APBB2: variants seen among roughly 807,000 people sequenced by gnomAD.
APBB2 encodes amyloid beta precursor protein binding family B member 2.
A neutral mutation model predicts 82.5 loss-of-function variants in APBB2; 38 were observed. The observed-to-expected ratio is 0.46, with a 90% CI of 0.36 to 0.60. The LOEUF is 0.60. Ranked by LOEUF, APBB2 falls within the 20% of genes least tolerant of loss-of-function variation. The pLI is 0.00. For missense variants in APBB2, 772 were observed against 972.3 expected, an observed-to-expected ratio of 0.79 and a Z score of 2.74; for synonymous variants, 341 against 368.2, an observed-to-expected ratio of 0.93 and a Z score of 0.85.
chr4:41,146,456 T>C (rs1240562199), intron 1 of APBB2, among the ~76,000 whole-genome samples: 1 of 151,774 alleles, frequency 6.6e-6, no homozygotes, highest in African/African-American at 2.4e-5. Flanking sequence ...GTCTCACCAC[T>C]GCACTCCAGC....
At chr4:40,946,237 A>AG (rs1788380248) in intron 6 of APBB2, among the ~76,000 whole-genome samples, 1 of 136,270 alleles carries the variant, frequency 7.3e-6, no homozygotes, top group Non-Finnish European at 1.5e-5. Context: ...ATCTCCAAAA[A>AG]AAAAAAAAAA....
intron 1 of APBB2, among the ~76,000 whole-genome samples, chr4:41,208,072 A>G (rs1396119420): frequency 1.3e-5 from 2 of 152,166 alleles, no homozygotes; most frequent in African/African-American, 4.8e-5. Flanking sequence ...GGAGATACTC[A>G]TTTACTTTTA....
intron 1 of APBB2, among the ~76,000 whole-genome samples, chr4:41,155,907 T>C (rs1763332888): frequency 6.6e-6 from 1 of 152,182 alleles, no homozygotes; most frequent in Admixed American, 6.5e-5. Flanking sequence ...ACCATAAAAG[T>C]GAAATCATAA....
chr4:41,118,118 G>A (rs1469237525), intron 2 of APBB2: 1 of 152,274 alleles, frequency 6.6e-6, no homozygotes, highest in Non-Finnish European at 1.5e-5. Context: ...GGAGGCTGAG[G>A]AAGGAAGATC....
At chr4:41,139,542 GGATA>G (rs1375914066) in intron 2 of APBB2, among the ~76,000 whole-genome samples, 1 of 152,152 alleles carries the variant, frequency 6.6e-6, no homozygotes, top group African/African-American at 2.4e-5. Flanking sequence ...ATAGGTGAAT[GGATA>G]AAGTGTGGAA....
intron 6 of APBB2, among the ~76,000 whole-genome samples, chr4:40,960,454 T>TG (rs1469741492): frequency 6.8e-6 from 1 of 146,634 alleles, no homozygotes; most frequent in Non-Finnish European, 1.5e-5. Flanking sequence ...CGGGTTTTTT[T>TG]TTTTTTTTTT....
At chr4:41,061,543 T>C (rs1410241790) in intron 4 of APBB2, among the ~76,000 whole-genome samples, 5 of 152,172 alleles carry the variant, frequency 3.3e-5, no homozygotes. Context: ...TATCTAAACA[T>C]AGAAAAGGTA....
At chr4:40,858,283 T>A (rs1370467622) in intron 12 of APBB2, among the ~76,000 whole-genome samples, 2 of 151,996 alleles carry the variant, frequency 1.3e-5, no homozygotes, top group Non-Finnish European at 2.9e-5. Context: ...TGAAAGTACT[T>A]CCTCTTTCTA....
At chr4:40,852,319 C>T (rs1759733821) in intron 12 of APBB2, among the ~76,000 whole-genome samples, 1 of 146,996 alleles carries the variant, frequency 6.8e-6, no homozygotes. Flanking sequence ...ACACTGCACT[C>T]CAGCCTGGGT....
chr4:41,192,850 T>C (rs1774858163), intron 1 of APBB2, among the ~76,000 whole-genome samples: 1 of 152,186 alleles, frequency 6.6e-6, no homozygotes, highest in South Asian at 2.1e-4. Flanking sequence ...GATTTTACAC[T>C]CTCTATGTAT....
intron 12 of APBB2, among the ~76,000 whole-genome samples, chr4:40,851,626 G>A (rs1220439766): frequency 6.6e-6 from 1 of 151,054 alleles, no homozygotes; most frequent in African/African-American, 2.4e-5. Context: ...CATGTTATAA[G>A]GTACCCAGAT....
At chr4:41,186,971 T>TA (rs1254583173) in intron 1 of APBB2, among the ~76,000 whole-genome samples, 4 of 152,238 alleles carry the variant, frequency 2.6e-5, no homozygotes, top group Admixed American at 6.5e-5. Flanking sequence ...ACAAAGAACT[T>TA]AATTTTATCA....
At chr4:40,971,671 G>A (rs569733761) in intron 6 of APBB2, among the ~76,000 whole-genome samples, 1 of 152,286 alleles carries the variant, frequency 6.6e-6, no homozygotes, top group African/African-American at 2.4e-5. Context: ...GAGGCCTGAA[G>A]GAGTTAATAT....
In APBB2 at chr4:40,812,037, G is replaced by A. The variant is rs1744521091; in HGVS notation, c.*4055C>T. The A allele has an allele frequency of 6.6e-6, 1 of 152,148 alleles. No homozygotes were observed. The highest frequency in any genetic ancestry group is 2.4e-5 in the African/African-American group (1 of 41,422). The allele number at this position is 152,148 out of a possible 1,614,324, so 9.4% of individuals were successfully genotyped here. ...GACCGCTTACAAAAGACTCGAGTTG[G>A]TGACTAAATAGGCTTCTATGTCCGG... On this transcript the variant is annotated 3_prime_UTR_variant, in exon 18 of 18. Coordinates refer to ENST00000508593, the MANE Select transcript of APBB2 (RefSeq NM_004307.2).
chr4:40,912,099 ACT>A (rs1465052811), intron 10 of APBB2, among the ~76,000 whole-genome samples: 1 of 152,086 alleles, frequency 6.6e-6, no homozygotes, highest in Non-Finnish European at 1.5e-5. Flanking sequence ...TTTGCAAAAT[ACT>A]CTTTTTTATT....
At chr4:41,104,911 C>T (rs143314008) in intron 2 of APBB2, among the ~76,000 whole-genome samples, 6 of 152,160 alleles carry the variant, frequency 3.9e-5, no homozygotes, top group Non-Finnish European at 5.9e-5. Flanking sequence ...TCAAGGGGCA[C>T]CTGAGTTGAT....
chr4:40,893,358 G>A lies in APBB2; in HGVS notation c.1308C>T (p.Ala436=). 1.2e-6 allele frequency: 2 copies of A among 1,613,462 alleles called. No individual in the cohort carries two copies. Among genetic ancestry groups the A allele is most frequent in the East Asian group, 2.2e-5 (1 of 44,844 alleles). ...TGACCGCAACACTACTTTTACCGGG[G>A]GCGAGGTCCTCTTCTGCCATCTCTA... ...GWVEMAEEDL[A]PGKSSVAVNN... Residue 436 remains alanine (A), a synonymous_variant, in exon 11 of 18, where the codon GCC becomes GCT. Transcript: ENST00000508593.
At chr4:41,182,572 T>C (rs1291783291) in intron 1 of APBB2, among the ~76,000 whole-genome samples, 6 of 152,204 alleles carry the variant, frequency 3.9e-5, no homozygotes, top group African/African-American at 1.4e-4. Context: ...TATCATCACA[T>C]GAATAGCTAT....
At chr4:40,971,933 G>A (rs944052818) in intron 6 of APBB2, among the ~76,000 whole-genome samples, 3 of 152,102 alleles carry the variant, frequency 2.0e-5, no homozygotes, top group Non-Finnish European at 4.4e-5. Flanking sequence ...ACTTTAGCGC[G>A]TATCCTTACG....
Sources: gnomAD v4.1 joint callset for allele counts (sites outside exome capture counted in the v4.1 genomes callset) on GRCh38, gnomAD v4.1.1 for gene constraint, MANE v1.5 for transcripts, NCBI Gene and HGNC (gene_info 2026-07-23, HGNC 2026-07-21) for gene names.